FANCM: variants seen among roughly 807,000 people sequenced by gnomAD.
The protein encoded by FANCM is FA complementation group M.
FANCM carries 140 observed loss-of-function variants against 199.5 expected under a neutral mutation model. The observed-to-expected ratio is 0.70, with a 90% confidence interval of 0.61 to 0.81. The LOEUF is 0.81. Among genes scored for constraint, FANCM ranks in the 30% least tolerant of loss-of-function variants. FANCM has a pLI of 0.00. For synonymous variants in FANCM, 840 were observed against 836.8 expected (o/e 1.00, Z -0.07); for missense variants, 2,410 against 2,421.4 (o/e 1.00, Z 0.10).
chr14:45,176,278 A>C lies in FANCM; in HGVS notation c.3524A>C (p.Gln1175Pro). The change falls in exon 14 of 23, where the codon CAG becomes CCG. Residue 1175 changes from glutamine (Q) to proline (P), a missense_variant. Coordinates refer to ENST00000267430, the MANE Select transcript of FANCM (RefSeq NM_020937.4). ...TAISETPLVS[Q>P]FLISDELLLD... ...ATTAGTGAAACGCCTCTGGTCTCTC[A>C]GTTCTTAATTTCTGATGAACTTTTG... 1.1e-5 allele frequency: 17 copies of C among 1,614,080 alleles called. No homozygotes were observed. Among genetic ancestry groups the C allele is most frequent in the Non-Finnish European group, 1.4e-5 (17 of 1,179,938 alleles).
At chr14:45,188,162 A>G (rs1348102954) in intron 19 of FANCM, among the ~76,000 whole-genome samples, 1 of 152,192 alleles carries the variant, frequency 6.6e-6, no homozygotes, top group African/African-American at 2.4e-5. Flanking sequence ...AACATGGTGA[A>G]ACCCCATCTC....
intron 5 of FANCM, among the ~76,000 whole-genome samples, chr14:45,153,113 A>T (rs1886939654): frequency 6.6e-6 from 1 of 152,206 alleles, no homozygotes; most frequent in Non-Finnish European, 1.5e-5. Context: ...TAATTAGAAT[A>T]TGTTCTCCAT....
intron 9 of FANCM, among the ~76,000 whole-genome samples, chr14:45,161,162 A>G (rs1369304134): frequency 1.3e-5 from 2 of 152,184 alleles, no homozygotes; most frequent in Non-Finnish European, 2.9e-5. Context: ...CCGTAAGAAC[A>G]TTATTGATTT....
At chr14:45,147,905 C>A (rs192279028) in intron 3 of FANCM, among the ~76,000 whole-genome samples, 4,365 of 143,956 alleles carry the variant, frequency 0.03, 233 homozygotes, top group African/African-American at 0.11. Context: ...CCGCCCCCCC[C>A]CCAAAAAAAA....
intron 2 of FANCM, 137 bp from the exon 3 acceptor site, chr14:45,140,495 T>C (rs1594755033): frequency 3.0e-6 from 2 of 661,830 alleles, no homozygotes; most frequent in East Asian, 5.2e-5. Flanking sequence ...ATATAACTGG[T>C]GGTAGTTCAC....
intron 5 of FANCM, among the ~76,000 whole-genome samples, chr14:45,152,757 C>T (rs755305128): frequency 1.3e-4 from 20 of 152,068 alleles, no homozygotes; most frequent in Admixed American, 7.9e-4. Flanking sequence ...TATTATACCA[C>T]GAAACCGGAT....
intron 14 of FANCM, among the ~76,000 whole-genome samples, chr14:45,177,394 T>C (rs1374563092): frequency 6.6e-6 from 1 of 152,102 alleles, no homozygotes; most frequent in Non-Finnish European, 1.5e-5. Flanking sequence ...CTTTTTTTGT[T>C]TCTTTGTTTT....
chr14:45,143,438 C>T (rs1338806092), intron 3 of FANCM, among the ~76,000 whole-genome samples: 1 of 151,994 alleles, frequency 6.6e-6, no homozygotes, highest in Non-Finnish European at 1.5e-5. Context: ...GTCTCAGCCT[C>T]TCAAAGTGCT....
rs1407346797 is a variant in FANCM, at chr14:45,155,434, A to T, written c.1371A>T (p.Val457=). The change falls in exon 8 of 23, where the codon GTA becomes GTT. Residue 457 remains valine (V), a synonymous_variant. Coordinates refer to ENST00000267430, the MANE Select transcript of FANCM (RefSeq NM_020937.4). ...AGTTAAAGAAATTAGAAGAAGTTGT[A>T]ATTGAACACTTCAAGTCATGGAATG... ...HPKLKKLEEV[V]IEHFKSWNAE... The T allele has an allele frequency of 2.0e-6, 3 of 1,492,956 alleles. No homozygotes were observed. Among genetic ancestry groups the T allele is most frequent in the Non-Finnish European group, 2.8e-6 (3 of 1,070,984 alleles). The allele number at this position is 1,492,956 out of a possible 1,614,324, so 92.5% of individuals were successfully genotyped here. A position where few individuals can be genotyped will look rare whatever the true frequency, so the allele number is the denominator to read the frequency against.
In FANCM at chr14:45,176,962, G is replaced by T; in HGVS notation, c.4208G>T (p.Cys1403Phe). Residue 1403 changes from cysteine to phenylalanine, a missense_variant, in exon 14 of 23, where the codon TGT becomes TTT. Physicochemically the swap from Cys to Phe is radical, Grantham distance 205 (BLOSUM62 -2). Coordinates refer to ENST00000267430, the MANE Select transcript of FANCM (RefSeq NM_020937.4). ...SSGPMYLHKS[C>F]HSVEDGQLLT... ...GGTCCAATGTATCTGCATAAATCCTGTCATTCTGTTGAAGGTAAGATTCCA... is the reference window on the plus strand; with the variant it reads ...GGTCCAATGTATCTGCATAAATCCTTTCATTCTGTTGAAGGTAAGATTCCA... 6.3e-7 allele frequency: 1 copy of T among 1,587,894 alleles called. No homozygotes were observed. The highest frequency in any genetic ancestry group is 8.6e-7 in the Non-Finnish European group (1 of 1,157,030).
chr14:45,164,073 GTAGT>G (rs892715892), intron 9 of FANCM, among the ~76,000 whole-genome samples: 8 of 152,292 alleles, frequency 5.3e-5, no homozygotes, highest in Admixed American at 3.9e-4. Context: ...GGTCTCCCAA[GTAGT>G]TAGTGCTACA....
chr14:45,145,769 C>CA (rs1886319254), intron 3 of FANCM, among the ~76,000 whole-genome samples: 1 of 150,160 alleles, frequency 6.7e-6, no homozygotes, highest in Non-Finnish European at 1.5e-5. Flanking sequence ...CTAAAAAATA[C>CA]AAAAAAATGG....
intron 20 of FANCM, among the ~76,000 whole-genome samples, chr14:45,194,881 G>A (rs1007253086): frequency 2.7e-5 from 4 of 149,032 alleles, no homozygotes; most frequent in East Asian, 3.9e-4. Context: ...GCGTGATCTC[G>A]GCTCACTGCA....
intron 9 of FANCM, among the ~76,000 whole-genome samples, chr14:45,162,336 C>T (rs1385539846): frequency 6.6e-6 from 1 of 152,154 alleles, no homozygotes; most frequent in East Asian, 1.9e-4. Flanking sequence ...GATGAGTTAA[C>T]TTTGACATGC....
Position 45,136,243 on chromosome 14 carries a change from A to C in FANCM, c.212A>C (p.Glu71Ala). 6.2e-7 allele frequency: 1 copy of C among 1,614,142 alleles called. No individual in the cohort carries two copies. Among genetic ancestry groups the C allele is most frequent in the Non-Finnish European group, 8.5e-7 (1 of 1,180,030 alleles). The change falls in exon 1 of 23, where the codon GAG becomes GCG. Residue 71 changes from glutamate (E) to alanine (A), a missense_variant. Coordinates refer to ENST00000267430, the MANE Select transcript of FANCM (RefSeq NM_020937.4). ...GAGGCTGAGCGGCAGTTGTGTCTAG[A>C]GAATGGCGGGTTCTGCACCTCCGCG... ...AYEAERQLCL[E>A]NGGFCTSAGA...
At chr14:45,162,500 T>C (rs1887675480) in intron 9 of FANCM, among the ~76,000 whole-genome samples, 1 of 152,252 alleles carries the variant, frequency 6.6e-6, no homozygotes, top group African/African-American at 2.4e-5. Context: ...TTTTAAAATA[T>C]TACTAGAGTC....
rs1566737155 is a variant in FANCM at position 45,153,910 on chromosome 14, G to A, written c.1051-10G>A. On this transcript the variant is annotated splice_polypyrimidine_tract_variant and intron_variant, in intron 5 of 22. Coordinates refer to ENST00000267430, the MANE Select transcript of FANCM (RefSeq NM_020937.4). ...TCTCTGGTTAAATTTGACATATGCT[G>A]TTTTTCTAGGGAATACAACAAGGCA... 1.9e-6 allele frequency: 3 copies of A among 1,608,816 alleles called. No individual in the cohort carries two copies. The highest frequency in any genetic ancestry group is 1.7e-4 in the Middle Eastern group (1 of 6,046).
Position 45,176,934 on chromosome 14 carries a change from A to C in FANCM, c.4180A>C (p.Ser1394Arg). The change falls in exon 14 of 23, where the codon AGT (serine) becomes CGT (arginine). Residue 1394 changes from serine to arginine, a missense_variant. By Grantham distance (110) the Ser-to-Arg change is moderately radical (BLOSUM62 -1). Coordinates refer to ENST00000267430, the MANE Select transcript of FANCM (RefSeq NM_020937.4). The part of the protein sequence containing the change: ...SEFSLEKSKS[S>R]GPMYLHKSCH... ...ATTTTCTCTAGAAAAGTCTAAAAGC[A>C]GTGGTCCAATGTATCTGCATAAATC... 6.2e-7 allele frequency: 1 copy of C among 1,609,918 alleles called. No homozygotes were observed. Among genetic ancestry groups the C allele is most frequent in the South Asian group, 1.1e-5 (1 of 90,994 alleles).
At chr14:45,181,388 TA>T in intron 14 of FANCM, 41 bp from the exon 15 acceptor site, 2 of 1,081,478 alleles carry the variant, frequency 1.8e-6, no homozygotes, top group Non-Finnish European at 1.4e-6. Flanking sequence ...TGGGTAAACC[TA>T]AATCTATTAA....
Sources: gnomAD v4.1 joint callset for allele counts (sites outside exome capture counted in the v4.1 genomes callset) on GRCh38, gnomAD v4.1.1 for gene constraint, MANE v1.5 for transcripts, NCBI Gene and HGNC (gene_info 2026-07-23, HGNC 2026-07-21) for gene names.